The following VPS33B variants were observed in gnomAD, a reference collection of about 807,000 sequenced individuals.
VPS33B encodes VPS33B late endosome and lysosome associated.
Under a neutral mutation model 95.3 loss-of-function variants are expected in VPS33B, and 80 were observed. That is an observed-to-expected ratio of 0.84 (90% CI 0.70 to 1.01). The LOEUF (loss-of-function observed/expected upper bound fraction) is 1.01, where lower values mean the gene tolerates loss of function less well. Among genes scored for constraint, VPS33B ranks in the 50% least tolerant of loss-of-function variants. The probability of loss-of-function intolerance (pLI) is 0.00; values close to 1 mark genes in which losing one functional copy is unlikely to be tolerated. For missense variants in VPS33B, 715 were observed against 773.4 expected (o/e 0.92, Z 0.90); for synonymous variants, 280 against 280.4 (o/e 1.00, Z 0.01).
chr15:91,007,615 G>A lies in VPS33B; in HGVS notation c.499-42C>T, dbSNP rs1292857537. The A allele has an allele frequency of 1.9e-6, 3 of 1,602,374 alleles. No individual in the cohort carries two copies. In the Admixed American group the frequency reaches 5.0e-5, roughly 27 times the overall value. On this transcript the variant is annotated intron_variant, in intron 7 of 22. Transcript: ENST00000333371. This position sits in a 1 kb window ranked among gnomAD's most constrained non-coding sequence, Gnocchi z 5.3. ...AGCCACAAAGATATGAATCAACCCA[G>A]TAGGACCACCTGGAAAGTGGCTAGC...
At position 91,005,362 on chromosome 15, in the gene VPS33B, C is replaced by T; in HGVS notation, c.1105+18G>A. The T allele has an allele frequency of 6.2e-7, 1 of 1,614,100 alleles. No homozygotes were observed. Among genetic ancestry groups the T allele is most frequent in the South Asian group, 1.1e-5 (1 of 91,084 alleles). On this transcript the variant is annotated intron_variant, in intron 14 of 22. Coordinates refer to ENST00000333371, the MANE Select transcript of VPS33B (RefSeq NM_018668.5). This position sits in a 1 kb window ranked among gnomAD's most constrained non-coding sequence, Gnocchi z 6.4. Reference sequence around the variant, plus strand: ...AGTAGAAGCGTGGGCAGTAGCACAGCAAGGCTGCGGCAGTTACCATGCTCA... The same window carrying T: ...AGTAGAAGCGTGGGCAGTAGCACAGTAAGGCTGCGGCAGTTACCATGCTCA...
chr15:91,000,577 G>A lies in VPS33B; in HGVS notation c.1494C>T (p.Asp498=), dbSNP rs756643532. Residue 498 remains aspartate (D), a synonymous_variant, in exon 20 of 23, where the codon GAC becomes GAT. Transcript: ENST00000333371. The surrounding 1 kb of genome is among the most constrained non-coding windows in gnomAD (Gnocchi z 4.9). ...GGGGCACTTTCAGATCATACTCGCC[G>A]TCCACACGTGGGATCTGTAAGACAA... ...SKKLNLIPRV[D]GEYDLKVPRD... is the part of the protein sequence containing the mutation. The A allele has an allele frequency of 1.2e-5, 20 of 1,612,286 alleles. 1 individual carries two copies. The South Asian group carries it at 1.8e-4, about 14-fold the overall frequency.
chr15:91,003,073 T>C lies in VPS33B; in HGVS notation c.1272+12A>G, dbSNP rs2040489366. On this transcript the variant is annotated intron_variant, in intron 17 of 22. Coordinates refer to ENST00000333371, the MANE Select transcript of VPS33B (RefSeq NM_018668.5). ...ATCAAGTTCCCTCAAGAATACATTCTCCAGGCCTTACCTGCAGATACTGTG... is the reference window on the plus strand; with the variant it reads ...ATCAAGTTCCCTCAAGAATACATTCCCCAGGCCTTACCTGCAGATACTGTG... 1.4e-5 allele frequency: 23 copies of C among 1,614,090 alleles called. No individual in the cohort carries two copies. Among genetic ancestry groups the C allele is most frequent in the Non-Finnish European group, 1.9e-5 (23 of 1,179,992 alleles).
At chr15:91,017,158 T>C in intron 2 of VPS33B, 134 bp from the exon 3 acceptor site, 1 of 811,726 alleles carries the variant, frequency 1.2e-6, no homozygotes, top group East Asian at 2.5e-5. Context: ...ATGCTAATTA[T>C]GCTCCCCTGA....
intron 18 of VPS33B, among the ~76,000 whole-genome samples, 168 bp downstream of exon 18, chr15:91,001,882 A>C (rs2040448652): frequency 6.6e-6 from 1 of 152,218 alleles, no homozygotes; most frequent in Non-Finnish European, 1.5e-5. Flanking sequence ...AGTGTTTACT[A>C]TGTGGAAACT....
At position 91,002,264 on chromosome 15, in the gene VPS33B, G is replaced by A. The variant is rs111272011; in HGVS notation, c.1273-82C>T. 5.1e-6 allele frequency: 8 copies of A among 1,565,584 alleles called. No homozygotes were observed. Among genetic ancestry groups the A allele is most frequent in the African/African-American group, 1.3e-5 (1 of 74,172 alleles). On this transcript the variant is annotated intron_variant, in intron 17 of 22. Transcript: ENST00000333371. The surrounding 1 kb of genome is among the most constrained non-coding windows in gnomAD (Gnocchi z 4.7). ...CAGGTACTACAGAGTTGAGCAGAAG[G>A]ACTATGAAGCCTCTGCTGCAGTGTG... is the stretch of plus-strand genomic sequence containing the variant.
At position 91,005,119 on chromosome 15, in the gene VPS33B, G is replaced by C; in HGVS notation, c.1106C>G (p.Ala369Gly). 3 of 1,614,174 alleles carry C rather than the reference G, an allele frequency of 1.9e-6. No homozygotes were observed. The highest frequency in any genetic ancestry group is 2.5e-6 in the Non-Finnish European group (3 of 1,180,048). Residue 369 changes from alanine (A) to glycine (G), a missense_variant and splice_region_variant, in exon 15 of 23, where the codon GCA becomes GGA. Ala to Gly is a moderately conservative substitution (Grantham distance 60). Coordinates refer to ENST00000333371, the MANE Select transcript of VPS33B (RefSeq NM_018668.5). The surrounding 1 kb of genome is among the most constrained non-coding windows in gnomAD (Gnocchi z 6.4). Reference sequence around the variant, plus strand: ...CCGGATGTTGAACCCCTCTAGCAGTGCTGTGAGTAATCAGAGGAGAGCCTG... The same window carrying C: ...CCGGATGTTGAACCCCTCTAGCAGTCCTGTGAGTAATCAGAGGAGAGCCTG... ...DFQELIKTEH[A>G]LLEGFNIRES...
Position 91,009,419 on chromosome 15 carries a change from G to A in VPS33B, c.403+382C>T, listed in dbSNP as rs2040715097. Among the ~76,000 whole-genome samples the A allele has an allele frequency of 6.6e-6, 1 of 151,724 alleles. No individual in the cohort carries two copies. The highest frequency in any genetic ancestry group is 1.5e-5 in the Non-Finnish European group (1 of 67,978). ...CCTCCCGGGTTCAAGCAATTCTTCTGCCTCAGCCTCCCGAGTAGCTGGGAT... is the reference window on the plus strand; with the variant it reads ...CCTCCCGGGTTCAAGCAATTCTTCTACCTCAGCCTCCCGAGTAGCTGGGAT... On this transcript the variant is annotated intron_variant, in intron 6 of 22. Coordinates refer to ENST00000333371, the MANE Select transcript of VPS33B (RefSeq NM_018668.5). This position sits in a 1 kb window ranked among gnomAD's most constrained non-coding sequence, Gnocchi z 4.1.
intron 1 of VPS33B, among the ~76,000 whole-genome samples, 166 bp downstream of exon 1, chr15:91,021,988 C>G (rs2041115681): frequency 6.6e-6 from 1 of 152,182 alleles, no homozygotes; most frequent in Non-Finnish European, 1.5e-5. Context: ...TGGCCAGGTT[C>G]CAAACAGCTC....
chr15:91,018,958 GTGCC>G lies in VPS33B; in HGVS notation c.97-1077_97-1074del, dbSNP rs2041024695. On this transcript the variant is annotated intron_variant, in intron 1 of 22. Coordinates refer to ENST00000333371, the MANE Select transcript of VPS33B (RefSeq NM_018668.5). The surrounding 1 kb of genome is among the most constrained non-coding windows in gnomAD (Gnocchi z 4.7). ...GCCTCCCGAGTAGCTGAGATTACAG[GTGCC>G]TGCCACCACACCTGGCTAATTTTTG... Among the ~76,000 whole-genome samples the G allele has an allele frequency of 6.6e-6, 1 of 151,828 alleles. No individual in the cohort carries two copies. Among genetic ancestry groups the G allele is most frequent in the African/African-American group, 2.4e-5 (1 of 41,294 alleles).
In VPS33B at chr15:90,998,757, A is replaced by T. The variant is rs2040344649; in HGVS notation, c.*218T>A. ...TGCCTCTTCCTGCTCGCATCTTAGCAGCATGGGTTGTACTTCATAAACAGA... is the reference window on the plus strand; with the variant it reads ...TGCCTCTTCCTGCTCGCATCTTAGCTGCATGGGTTGTACTTCATAAACAGA... On this transcript the variant is annotated 3_prime_UTR_variant, in exon 23 of 23. Transcript: ENST00000333371. The surrounding 1 kb of genome is among the most constrained non-coding windows in gnomAD (Gnocchi z 4.8). 6 of 632,118 alleles carry T rather than the reference A, an allele frequency of 9.5e-6. No individual in the cohort carries two copies. The highest frequency in any genetic ancestry group is 1.7e-5 in the Non-Finnish European group (6 of 350,462). The allele number at this position is 632,118 out of a possible 1,614,324, so 39.2% of individuals were successfully genotyped here. A position where few individuals can be genotyped will look rare whatever the true frequency, so the allele number is the denominator to read the frequency against.
At position 91,018,371 on chromosome 15, in the gene VPS33B, C is replaced by T. The variant is rs1216756487; in HGVS notation, c.97-486G>A. The stretch of plus-strand genomic sequence containing the variant: ...CCCCATCACCCTTCCACTCCCCCAC[C>T]CCACAATCCCTGTCATACGATTCCT... On this transcript the variant is annotated intron_variant, in intron 1 of 22. Coordinates refer to ENST00000333371, the MANE Select transcript of VPS33B (RefSeq NM_018668.5). This position sits in a 1 kb window ranked among gnomAD's most constrained non-coding sequence, Gnocchi z 4.7. Among the ~76,000 whole-genome samples, 2 of 152,160 alleles carry T rather than the reference C, an allele frequency of 1.3e-5. No individual in the cohort carries two copies. Among genetic ancestry groups the T allele is most frequent in the Non-Finnish European group, 2.9e-5 (2 of 68,024 alleles).
chr15:91,009,836 C>T lies in VPS33B; in HGVS notation c.368G>A (p.Cys123Tyr), dbSNP rs2040732101. ...VIFSPQKFYA[C>Y]EMVLEEEGIY... Reference sequence around the variant, plus strand: ...TCCCTCTTCCTCAAGCACCATCTCACACGCATAGAACTGAAAGAGAAAAGG... The same window carrying T: ...TCCCTCTTCCTCAAGCACCATCTCATACGCATAGAACTGAAAGAGAAAAGG... Residue 123 changes from cysteine (C) to tyrosine (Y), a missense_variant, in exon 6 of 23, where the codon TGT becomes TAT. Cys to Tyr is a radical substitution (Grantham distance 194). Coordinates refer to ENST00000333371, the MANE Select transcript of VPS33B (RefSeq NM_018668.5). The surrounding 1 kb of genome is among the most constrained non-coding windows in gnomAD (Gnocchi z 4.1). 5 of 1,614,068 alleles carry T rather than the reference C, an allele frequency of 3.1e-6. No individual in the cohort carries two copies. The highest frequency in any genetic ancestry group is 1.3e-5 in the African/African-American group (1 of 74,924).
rs1452971983 is a variant in VPS33B at position 91,002,115 on chromosome 15, G to A, written c.1340C>T (p.Ala447Val). Reference sequence around the variant, plus strand: ...CACGGCTGTGAGGGTGTCCCCGGGGGCCTGCTCCGTTAGGAGCCCAGCTCT... The same window carrying A: ...CACGGCTGTGAGGGTGTCCCCGGGGACCTGCTCCGTTAGGAGCCCAGCTCT... ...LRRAGLLTEQ[A>V]PGDTLTAVES... Residue 447 changes from alanine to valine, a missense_variant, in exon 18 of 23, where the codon GCC becomes GTC. Physicochemically the swap from Ala to Val is moderately conservative, Grantham distance 64. Coordinates refer to ENST00000333371, the MANE Select transcript of VPS33B (RefSeq NM_018668.5). This position sits in a 1 kb window ranked among gnomAD's most constrained non-coding sequence, Gnocchi z 4.7. 2 of 1,614,172 alleles carry A rather than the reference G, an allele frequency of 1.2e-6. No homozygotes were observed.
Position 91,006,815 on chromosome 15 carries a change from T to A in VPS33B, c.701-86A>T. The A allele has an allele frequency of 6.3e-7, 1 of 1,593,268 alleles. No homozygotes were observed. The highest frequency in any genetic ancestry group is 1.3e-5 in the African/African-American group (1 of 74,546). ...CCAAGGGCAGCTTTGATACTTTCCA[T>A]AGGGCCAAGGACCCACGCTCCTCAA... On this transcript the variant is annotated intron_variant, in intron 9 of 22. Transcript: ENST00000333371. This position sits in a 1 kb window ranked among gnomAD's most constrained non-coding sequence, Gnocchi z 5.4.
chr15:91,007,355 G>A lies in VPS33B; in HGVS notation c.603+114C>T. 1 of 1,092,428 alleles carries A rather than the reference G, an allele frequency of 9.2e-7. No homozygotes were observed. The highest frequency in any genetic ancestry group is 1.4e-6 in the Non-Finnish European group (1 of 712,326). The allele number at this position is 1,092,428 out of a possible 1,614,324, so 67.7% of individuals were successfully genotyped here. Reference sequence around the variant, plus strand: ...CTCTGAGGATCTATTCCAGAACAATGAAAGCAAAGTAAAGAATACACCTCA... The same window carrying A: ...CTCTGAGGATCTATTCCAGAACAATAAAAGCAAAGTAAAGAATACACCTCA... On this transcript the variant is annotated intron_variant, in intron 8 of 22. Coordinates refer to ENST00000333371, the MANE Select transcript of VPS33B (RefSeq NM_018668.5). The surrounding 1 kb of genome is among the most constrained non-coding windows in gnomAD (Gnocchi z 5.3).
rs1048365077 is a variant in VPS33B at position 91,003,110 on chromosome 15, C to T, written c.1247G>A (p.Arg416Gln). 10 of 1,614,000 alleles carry T rather than the reference C, an allele frequency of 6.2e-6. No individual in the cohort carries two copies. Among genetic ancestry groups the T allele is most frequent in the East Asian group, 2.2e-5 (1 of 44,898 alleles). ...CTGCAGATACTGTGTTTTCAGAGAT[C>T]GGTAATCCTTGGGGATCAAACCTAA... ...TENGLIPKDY[R>Q]SLKTQYLQSY... The change falls in exon 17 of 23, where the codon CGA becomes CAA. Residue 416 changes from arginine to glutamine, a missense_variant. By Grantham distance (43) the Arg-to-Gln change is conservative. Transcript: ENST00000333371.
rs1161550635 is a variant in VPS33B, at chr15:90,999,566, G to A, written c.1774+111C>T. 3.7e-5 allele frequency: 42 copies of A among 1,129,744 alleles called. No homozygotes were observed. The highest frequency in any genetic ancestry group is 2.7e-4 in the Middle Eastern group (1 of 3,688). 70.0% of individuals were successfully genotyped at this position (1,129,744 alleles called of 1,614,324 possible). On this transcript the variant is annotated intron_variant, in intron 22 of 22. Coordinates refer to ENST00000333371, the MANE Select transcript of VPS33B (RefSeq NM_018668.5). This position sits in a 1 kb window ranked among gnomAD's most constrained non-coding sequence, Gnocchi z 5.1. The stretch of plus-strand genomic sequence containing the variant: ...ACTCCTGACCTCAGGTGATCTGCCC[G>A]CCTCCGCCTCCCAAAGTGCTGAGAT...
At chr15:91,003,380 A>C (rs577952201) in intron 16 of VPS33B, among the ~76,000 whole-genome samples, 2 of 152,170 alleles carry the variant, frequency 1.3e-5, no homozygotes, top group African/African-American at 4.8e-5. Context: ...ACTAACGGTG[A>C]TCGTAGTGGG....
Sources: gnomAD v4.1 joint callset for allele counts (sites outside exome capture counted in the v4.1 genomes callset) on GRCh38, gnomAD v4.1.1 for gene constraint, Gnocchi (gnomAD v3.1) non-coding constraint, MANE v1.5 for transcripts, NCBI Gene and HGNC (gene_info 2026-07-23, HGNC 2026-07-21) for gene names.